The following FBXL16 variants were observed in gnomAD, a reference collection of about 807,000 sequenced individuals.
FBXL16 encodes the protein F-box/LRR-repeat protein 16.
FBXL16 carries 7 observed loss-of-function variants against 36.7 expected under a neutral mutation model. The observed-to-expected ratio is 0.19, with a 90% CI of 0.11 to 0.36. The LOEUF is 0.36. FBXL16 is among the 10% of genes least tolerant of loss of function. FBXL16 has a pLI of 1.00. For synonymous variants in FBXL16, 355 were observed against 308.7 expected (o/e 1.15, Z -1.57); for missense variants, 463 against 659.4 (o/e 0.70, Z 3.26).
Position 703,746 on chromosome 16 carries a change from G to C in FBXL16, c.-15+1766C>G, listed in dbSNP as rs554587913. The stretch of plus-strand genomic sequence containing the variant: ...GCGCAGCAGGCACGTGGCCTCAAGA[G>C]AAACCCGTGTTGCTGCCCCAGCAGA... On this transcript the variant is annotated intron_variant, in intron 1 of 5. Coordinates refer to ENST00000397621, the MANE Select transcript of FBXL16 (RefSeq NM_153350.4). Among the ~76,000 whole-genome samples, 2 of 152,378 alleles carry C rather than the reference G, an allele frequency of 1.3e-5. 1 individual carries two copies. Among genetic ancestry groups the C allele is most frequent in the African/African-American group, 4.8e-5 (2 of 41,594 alleles).
At chr16:702,709 G>T (rs1567300146) in intron 1 of FBXL16, among the ~76,000 whole-genome samples, 1 of 152,182 alleles carries the variant, frequency 6.6e-6, no homozygotes, top group Non-Finnish European at 1.5e-5. Flanking sequence ...CGCGGGGAGA[G>T]TGGCCTCTGG....
chr16:699,153 G>A (rs2040038129), intron 1 of FBXL16, among the ~76,000 whole-genome samples: 2 of 152,206 alleles, frequency 1.3e-5, no homozygotes, highest in African/African-American at 2.4e-5. Flanking sequence ...CTGCCTGCCC[G>A]AGGTCATGGC....
At chr16:698,690 G>C (rs2040033034) in intron 1 of FBXL16, among the ~76,000 whole-genome samples, 1 of 152,154 alleles carries the variant, frequency 6.6e-6, no homozygotes, top group South Asian at 2.1e-4. Context: ...GCTGAGGTGG[G>C]TGGATTACAA....
Position 695,404 on chromosome 16 carries a change from G to A in FBXL16, c.1142+11C>T. The A allele has an allele frequency of 6.6e-7, 1 of 1,522,560 alleles. No homozygotes were observed. The highest frequency in any genetic ancestry group is 8.8e-7 in the Non-Finnish European group (1 of 1,139,048). 94.3% of individuals were successfully genotyped at this position (1,522,560 alleles called of 1,614,324 possible). A position where few individuals can be genotyped will look rare whatever the true frequency, so the allele number is the denominator to read the frequency against. On this transcript the variant is annotated intron_variant, in intron 3 of 5. Coordinates refer to ENST00000397621, the MANE Select transcript of FBXL16 (RefSeq NM_153350.4). ...GCCCAGCCCCGCCCGGCGCGGCCCG[G>A]GGGCGCGCACCTGTCGAGCACGAGC...
intron 1 of FBXL16, among the ~76,000 whole-genome samples, chr16:702,174 G>A (rs1019735749): frequency 4.6e-5 from 7 of 152,132 alleles, no homozygotes; most frequent in East Asian, 1.9e-4. Flanking sequence ...CACTGAGCCC[G>A]GAGACCTCAG....
At chr16:698,920 AAAAAAAAAAAAAG>A (rs1385738180) in intron 1 of FBXL16, among the ~76,000 whole-genome samples, 1 of 126,404 alleles carries the variant, frequency 7.9e-6, no homozygotes, top group Non-Finnish European at 1.6e-5. Context: ...TCTCAAAAAA[AAAAAAAAAAAAAG>A]AAAGAAAGAA....
At chr16:702,353 CTGCCTCCTGCTCCGGGACCCCCAGCTCT>C (rs2040063940) in intron 1 of FBXL16, among the ~76,000 whole-genome samples, 1 of 152,178 alleles carries the variant, frequency 6.6e-6, no homozygotes, top group Non-Finnish European at 1.5e-5. Context: ...GAGGTCGCCC[CTGCCTCCTGCTCCGGGACCCCCAGCTCT>C]TGAGAAAGCG....
chr16:699,550 T>C (rs1028327357), intron 1 of FBXL16, among the ~76,000 whole-genome samples: 5 of 152,220 alleles, frequency 3.3e-5, no homozygotes, highest in African/African-American at 7.2e-5. Flanking sequence ...GAGGTGACGG[T>C]ACCTGCTCCC....
chr16:695,098 C>T (rs1038168376), intron 3 of FBXL16, 22 bp from the exon 4 acceptor site: 10 of 1,595,196 alleles, frequency 6.3e-6, no homozygotes, highest in South Asian at 4.5e-5. Context: ...CCAGAGGGGA[C>T]CCCCACCTTC....
Position 697,078 on chromosome 16 carries a change from A to G in FBXL16, c.328T>C (p.Ser110Pro), listed in dbSNP as rs753589621. ...KILNGLFWYF[S>P]ACEKCVLAQV... ...GCCAGCACACACTTCTCGCAGGCCGAGAAATACCAGAAGAGCCCATTGAGG... is the reference window on the plus strand; with the variant it reads ...GCCAGCACACACTTCTCGCAGGCCGGGAAATACCAGAAGAGCCCATTGAGG... Residue 110 changes from serine to proline, a missense_variant, in exon 2 of 6, where the codon TCG becomes CCG. By Grantham distance (74) the Ser-to-Pro change is moderately conservative. Around this residue, in one of 3 missense-constraint regions of FBXL16, gnomAD observed 263 missense variants for 341.1 expected, o/e 0.77. Coordinates refer to ENST00000397621, the MANE Select transcript of FBXL16 (RefSeq NM_153350.4). This position sits in a 1 kb window ranked among gnomAD's most constrained non-coding sequence, Gnocchi z 4.6. 2 of 1,606,518 alleles carry G rather than the reference A, an allele frequency of 1.2e-6. No homozygotes were observed. The highest frequency in any genetic ancestry group is 2.2e-5 in the East Asian group (1 of 44,746).
intron 3 of FBXL16, 137 bp downstream of exon 3, chr16:695,278 C>G: frequency 3.4e-6 from 4 of 1,188,370 alleles, no homozygotes; most frequent in Non-Finnish European, 4.4e-6. Context: ...CCCCAGGCTC[C>G]GAGGGCTCTG....
At chr16:705,451 G>A (rs1405242286) in intron 1 of FBXL16, 61 bp downstream of exon 1, 1 of 125,022 alleles carries the variant, frequency 8.0e-6, no homozygotes, top group East Asian at 2.3e-4. Flanking sequence ...CATTGTGGCC[G>A]CCGCGGAGGT....
chr16:698,720 C>T (rs2040033254), intron 1 of FBXL16, among the ~76,000 whole-genome samples: 2 of 151,966 alleles, frequency 1.3e-5, no homozygotes, highest in Admixed American at 1.3e-4. Flanking sequence ...TTTGAGACCA[C>T]CTGGCCAACA....
Position 696,781 on chromosome 16 carries a change from C to A in FBXL16, c.625G>T (p.Gly209Cys). 1 of 1,469,112 alleles carries A rather than the reference C, an allele frequency of 6.8e-7. No homozygotes were observed. Among genetic ancestry groups the A allele is most frequent in the Non-Finnish European group, 9.0e-7 (1 of 1,106,748 alleles). 91.0% of individuals were successfully genotyped at this position (1,469,112 alleles called of 1,614,324 possible). A position where few individuals can be genotyped will look rare whatever the true frequency, so the allele number is the denominator to read the frequency against. The change falls in exon 2 of 6, where the codon GGC becomes TGC. Residue 209 changes from glycine to cysteine, a missense_variant. Physicochemically the swap from Gly to Cys is radical, Grantham distance 159. Around this residue, in one of 3 missense-constraint regions of FBXL16, gnomAD observed 263 missense variants for 341.1 expected, o/e 0.77. Transcript: ENST00000397621. ...SLKRSTITDA[G>C]LEVMLEQMQG... The stretch of plus-strand genomic sequence containing the variant: ...CCGAGCCTGGTGCACACCTCGAGGC[C>A]TGCGTCCGTGATGGTGGAGCGCTTG...
At position 697,368 on chromosome 16, in the gene FBXL16, G is replaced by A. The variant is rs758796132; in HGVS notation, c.38C>T (p.Pro13Leu). ...CACCAGACCGTTTCGAGGCAAGCATGGAGGCTTGGGGTCGCCGTCGATGCC... is the reference window on the plus strand; with the variant it reads ...CACCAGACCGTTTCGAGGCAAGCATAGAGGCTTGGGGTCGCCGTCGATGCC... ...SPGIDGDPKPPCLPRNGLVKL... is the reference protein window; with the variant it reads ...SPGIDGDPKPLCLPRNGLVKL... The change falls in exon 2 of 6, where the codon CCA (proline) becomes CTA (leucine). Residue 13 changes from proline to leucine, a missense_variant. Around this residue, in one of 3 missense-constraint regions of FBXL16, gnomAD observed 263 missense variants for 341.1 expected, o/e 0.77. Transcript: ENST00000397621. The surrounding 1 kb of genome is among the most constrained non-coding windows in gnomAD (Gnocchi z 4.6). 1.5e-5 allele frequency: 23 copies of A among 1,537,008 alleles called. No homozygotes were observed. The highest frequency in any genetic ancestry group is 1.7e-5 in the Non-Finnish European group (19 of 1,147,824).
Position 694,026 on chromosome 16 carries a change from C to G in FBXL16, c.*249G>C, listed in dbSNP as rs943410895. 1 of 199,720 alleles carries G rather than the reference C, an allele frequency of 5.0e-6. No individual in the cohort carries two copies. Among genetic ancestry groups the G allele is most frequent in the African/African-American group, 2.3e-5 (1 of 42,808 alleles). The allele number at this position is 199,720 out of a possible 1,614,324, so 12.4% of individuals were successfully genotyped here. ...GCAGTGCGGGCACGAGGGGCATGCACAAAGTCCCCGAGTGTGCGTGCGTGC... is the reference window on the plus strand; with the variant it reads ...GCAGTGCGGGCACGAGGGGCATGCAGAAAGTCCCCGAGTGTGCGTGCGTGC... On this transcript the variant is annotated 3_prime_UTR_variant, in exon 6 of 6. Transcript: ENST00000397621.
At chr16:700,664 G>A (rs1419118557) in intron 1 of FBXL16, among the ~76,000 whole-genome samples, 7 of 152,088 alleles carry the variant, frequency 4.6e-5, no homozygotes, top group Non-Finnish European at 8.8e-5. Flanking sequence ...GGGCGCCCCA[G>A]TCTAAATATC....
rs1397655484 is a variant in FBXL16, at chr16:705,498, C to T, written c.-15+14G>A. 2 of 150,222 alleles carry T rather than the reference C, an allele frequency of 1.3e-5. No homozygotes were observed. Among genetic ancestry groups the T allele is most frequent in the African/African-American group, 2.4e-5 (1 of 41,042 alleles). 9.3% of individuals were successfully genotyped at this position (150,222 alleles called of 1,614,324 possible). A position where few individuals can be genotyped will look rare whatever the true frequency, so the allele number is the denominator to read the frequency against. ...CCCTCCCGGCCCCGCAGCCCGGCCGCACGCGCACCTTACCTCGGCCCGGGC... is the reference window on the plus strand; with the variant it reads ...CCCTCCCGGCCCCGCAGCCCGGCCGTACGCGCACCTTACCTCGGCCCGGGC... On this transcript the variant is annotated intron_variant, in intron 1 of 5. Transcript: ENST00000397621.
At chr16:704,925 C>T (rs570464433) in intron 1 of FBXL16, among the ~76,000 whole-genome samples, 77 of 152,342 alleles carry the variant, frequency 5.1e-4, no homozygotes, top group Non-Finnish European at 9.6e-4. Context: ...CCGGACCCCT[C>T]CCGAGCAGGT....
Sources: gnomAD v4.1 joint callset for allele counts (sites outside exome capture counted in the v4.1 genomes callset) on GRCh38, gnomAD v4.1.1 for gene constraint, gnomAD v4.1.1 regional missense constraint, Gnocchi (gnomAD v3.1) non-coding constraint, MANE v1.5 for transcripts, NCBI Gene and HGNC (gene_info 2026-07-23, HGNC 2026-07-21) for gene names.